NCK2: variants seen among roughly 807,000 people sequenced by gnomAD.
NCK2 encodes the protein cytoplasmic protein NCK2.
NCK2 carries 16 observed loss-of-function variants against 33.9 expected under a neutral mutation model. That is an observed-to-expected ratio of 0.47 (90% CI 0.32 to 0.72). The LOEUF (loss-of-function observed/expected upper bound fraction) is 0.72, where lower values mean the gene tolerates loss of function less well. Ranked by LOEUF, NCK2 falls within the 30% of genes least tolerant of loss-of-function variation. NCK2 has a pLI of 0.03. For missense variants in NCK2, 418 were observed against 537.3 expected, an observed-to-expected ratio of 0.78 and a Z score of 2.19; for synonymous variants, 273 against 239.9, an observed-to-expected ratio of 1.14 and a Z score of -1.27.
At chr2:105,753,570 G>T (rs1259633651) in intron 1 of NCK2, among the ~76,000 whole-genome samples, 9 of 152,336 alleles carry the variant, frequency 5.9e-5, no homozygotes, top group Middle Eastern at 3.4e-3. Context: ...CTCTTCATCA[G>T]TAGCTGTGTG....
intron 2 of NCK2, among the ~76,000 whole-genome samples, chr2:105,827,306 C>T (rs1343274962): frequency 6.6e-6 from 1 of 152,136 alleles, no homozygotes; most frequent in African/African-American, 2.4e-5. Context: ...GCTGACATAG[C>T]ATTCTTAAGT....
intron 2 of NCK2, among the ~76,000 whole-genome samples, chr2:105,820,938 G>A (rs191771689): frequency 2.9e-4 from 44 of 152,276 alleles, no homozygotes; most frequent in African/African-American, 8.4e-4. Flanking sequence ...CATGTCCAGC[G>A]TGTAAATGTC....
intron 3 of NCK2, among the ~76,000 whole-genome samples, chr2:105,870,905 G>C (rs774938993): frequency 6.6e-6 from 1 of 152,078 alleles, no homozygotes; most frequent in Non-Finnish European, 1.5e-5. Context: ...ACTGACATAC[G>C]GGTGTGTGAG....
intron 1 of NCK2, among the ~76,000 whole-genome samples, chr2:105,812,241 A>C (rs894955659): frequency 2.6e-5 from 4 of 152,186 alleles, no homozygotes; most frequent in Non-Finnish European, 5.9e-5. Flanking sequence ...ACCACTGTGC[A>C]CTGGATGATT....
chr2:105,872,952 G>C (rs934932021), intron 3 of NCK2, among the ~76,000 whole-genome samples: 16 of 152,214 alleles, frequency 1.1e-4, no homozygotes, highest in Non-Finnish European at 2.1e-4. Flanking sequence ...AGCAGCGCCT[G>C]TCCTCTGCCT....
At chr2:105,845,043 G>A (rs1010858335) in intron 2 of NCK2, among the ~76,000 whole-genome samples, 1 of 152,010 alleles carries the variant, frequency 6.6e-6, no homozygotes, top group African/African-American at 2.4e-5. Context: ...TGGCAGGTAG[G>A]TACAGGTTCT....
At chr2:105,868,427 G>A (rs950059868) in intron 3 of NCK2, among the ~76,000 whole-genome samples, 4 of 152,230 alleles carry the variant, frequency 2.6e-5, no homozygotes, top group African/African-American at 4.8e-5. Flanking sequence ...GAAGCAGGCC[G>A]TGCTGAGGCA....
In NCK2 at chr2:105,865,055, G is replaced by T. The variant is rs1677694063; in HGVS notation, c.226+9766G>T. On this transcript the variant is annotated intron_variant, in intron 3 of 4. Coordinates refer to ENST00000233154, the MANE Select transcript of NCK2 (RefSeq NM_003581.5). ...GGTGTCAGGGCCGCAGGCTCCCTCA[G>T]CCAGCATCAGTGCTCCCTGACCTCC... Among the ~76,000 whole-genome samples the T allele has an allele frequency of 2.0e-5, 3 of 152,176 alleles. No individual in the cohort carries two copies. In the South Asian group the frequency reaches 6.2e-4, roughly 32 times the overall value.
intron 4 of NCK2, among the ~76,000 whole-genome samples, chr2:105,892,093 G>T (rs1255952582): frequency 6.6e-6 from 1 of 151,928 alleles, no homozygotes; most frequent in Non-Finnish European, 1.5e-5. Flanking sequence ...TGAGGCAGGA[G>T]AATCTGCTTG....
At chr2:105,859,198 T>C (rs1677413281) in intron 3 of NCK2, among the ~76,000 whole-genome samples, 1 of 152,192 alleles carries the variant, frequency 6.6e-6, no homozygotes, top group Non-Finnish European at 1.5e-5. Flanking sequence ...TGAAGAGCAG[T>C]TTTTTGTTAC....
chr2:105,806,714 A>G (rs1293526665), intron 1 of NCK2, among the ~76,000 whole-genome samples: 1 of 151,962 alleles, frequency 6.6e-6, no homozygotes, highest in African/African-American at 2.4e-5. Flanking sequence ...ATGAGGGAAA[A>G]AAATCACGTT....
At chr2:105,773,935 G>GA (rs1690218375) in intron 1 of NCK2, among the ~76,000 whole-genome samples, 1 of 151,714 alleles carries the variant, frequency 6.6e-6, no homozygotes, top group Non-Finnish European at 1.5e-5. Context: ...CTGTTTATAA[G>GA]AAAGATGTCA....
chr2:105,827,519 A>G (rs1003859557), intron 2 of NCK2, among the ~76,000 whole-genome samples: 2 of 152,226 alleles, frequency 1.3e-5, no homozygotes, highest in Non-Finnish European at 2.9e-5. Flanking sequence ...TCTAATTGAC[A>G]TTTATAACAC....
rs1689637413 is a variant in NCK2, at chr2:105,757,690, A to T, written c.-201+12552A>T. On this transcript the variant is annotated intron_variant, in intron 1 of 4. Transcript: ENST00000233154. The stretch of plus-strand genomic sequence containing the variant: ...TGGAGATCTTACAAGCTCACAGTCC[A>T]CTGTAATCTTAATTAACAAGTATGG... 2.6e-5 allele frequency among the ~76,000 whole-genome samples: 4 copies of T among 152,188 alleles called. No individual in the cohort carries two copies. The South Asian group carries it at 8.3e-4, about 32-fold the overall frequency.
rs1198929648 is a variant in NCK2 at position 105,860,129 on chromosome 2, T to A, written c.226+4840T>A. ...GCAAGACTTCATCTCTACAAAAAAA[T>A]TTTTTAAAAAATAGAGCATGGTGTC... On this transcript the variant is annotated intron_variant, in intron 3 of 4. Coordinates refer to ENST00000233154, the MANE Select transcript of NCK2 (RefSeq NM_003581.5). Among the ~76,000 whole-genome samples the A allele has an allele frequency of 1.1e-4, 17 of 151,866 alleles. No homozygotes were observed. The East Asian group carries it at 2.9e-3, about 26-fold the overall frequency.
chr2:105,804,035 C>T (rs1674941400), intron 1 of NCK2, among the ~76,000 whole-genome samples: 1 of 152,168 alleles, frequency 6.6e-6, no homozygotes, highest in Non-Finnish European at 1.5e-5. Flanking sequence ...CATCCCTCTC[C>T]CTCTCAGTTA....
At chr2:105,759,025 A>G (rs989284759) in intron 1 of NCK2, among the ~76,000 whole-genome samples, 2 of 152,236 alleles carry the variant, frequency 1.3e-5, no homozygotes, top group Admixed American at 6.5e-5. Flanking sequence ...GTGATTTACT[A>G]TAGTTAATTA....
chr2:105,787,218 G>C (rs1052496537), intron 1 of NCK2, among the ~76,000 whole-genome samples: 1 of 152,226 alleles, frequency 6.6e-6, no homozygotes, highest in African/African-American at 2.4e-5. Context: ...GCTCAGCGCC[G>C]TGGAAGGGGC....
At chr2:105,834,578 A>G (rs1162078522) in intron 2 of NCK2, among the ~76,000 whole-genome samples, 1 of 151,598 alleles carries the variant, frequency 6.6e-6, no homozygotes, top group Non-Finnish European at 1.5e-5. Flanking sequence ...GCATATAGTT[A>G]GGTGGTGTTT....
Sources: allele counts gnomAD v4.1 joint callset (sites outside exome capture counted in the v4.1 genomes callset), GRCh38; gene constraint gnomAD v4.1.1; transcripts MANE v1.5; gene names NCBI Gene and HGNC (gene_info 2026-07-23, HGNC 2026-07-21).